The following TENM1 variants were observed in gnomAD, a reference collection of about 807,000 sequenced individuals.
The protein encoded by TENM1 is teneurin transmembrane protein 1, also known as teneurin-1.
A neutral mutation model predicts 174.8 loss-of-function variants in TENM1; 35 were observed. That is an observed-to-expected ratio of 0.20 (90% CI 0.15 to 0.27). TENM1 has a LOEUF of 0.27. Ranked by LOEUF, TENM1 falls within the 10% of genes least tolerant of loss-of-function variation. The pLI, the probability that TENM1 is intolerant of heterozygous loss-of-function variation, is 1.00. For missense variants in TENM1, 1,633 were observed against 2,130.1 expected (o/e 0.77, Z 4.59); for synonymous variants, 781 against 798.7 (o/e 0.98, Z 0.37).
At chrX:125,123,015 T>A in the TENM1 span, among the ~76,000 whole-genome samples, 1 of 111,597 alleles carries the variant, frequency 9.0e-6, no homozygotes, top group Admixed American at 9.6e-5. Context: ...AATCATACAA[T>A]TTCTTTCTGT....
chrX:125,024,893 C>G, the TENM1 span, among the ~76,000 whole-genome samples: 2 of 103,614 alleles, frequency 1.9e-5, no homozygotes, highest in Admixed American at 1.1e-4. Context: ...GTGATTAGCT[C>G]TCACTAAATC....
At chrX:124,710,392 A>G (rs1466456381) in intron 4 of TENM1, among the ~76,000 whole-genome samples, 1 of 112,222 alleles carries the variant, frequency 8.9e-6, no homozygotes, top group Non-Finnish European at 1.9e-5. Context: ...TTGCACATTT[A>G]TGAAGGAGAA....
chrX:124,674,353 C>T (rs1174945339), intron 5 of TENM1, among the ~76,000 whole-genome samples: 1 of 94,341 alleles, frequency 1.1e-5, no homozygotes, highest in Non-Finnish European at 2.1e-5. Flanking sequence ...TAAGCCATTT[C>T]GTATTTCTCT....
At chrX:124,622,770 T>C (rs1273622255) in intron 11 of TENM1, among the ~76,000 whole-genome samples, 3 of 112,040 alleles carry the variant, frequency 2.7e-5, no homozygotes, top group Admixed American at 9.5e-5. Context: ...GCAAAGCACT[T>C]ACTTTAAAAA....
At chrX:124,408,020 T>C (rs949248577) in intron 25 of TENM1, among the ~76,000 whole-genome samples, 10 of 111,986 alleles carry the variant, frequency 8.9e-5, no homozygotes, top group Non-Finnish European at 1.7e-4. Flanking sequence ...TGTGGGGCTC[T>C]ATAGCTACAA....
intron 11 of TENM1, among the ~76,000 whole-genome samples, chrX:124,578,001 C>T (rs949716768): frequency 1.8e-5 from 2 of 108,209 alleles, no homozygotes; most frequent in African/African-American, 6.8e-5. Flanking sequence ...TCATGGCTCA[C>T]GGTGGCGTTA....
At chrX:124,453,583 G>T in intron 22 of TENM1, 92 bp from the exon 26 acceptor site, 1 of 855,944 alleles carries the variant, frequency 1.2e-6, no homozygotes, top group Non-Finnish European at 1.6e-6. Flanking sequence ...CAATGGAAAG[G>T]CATTTTAAAG....
the TENM1 span, among the ~76,000 whole-genome samples, chrX:124,973,888 C>T: frequency 8.9e-6 from 1 of 111,751 alleles, no homozygotes; most frequent in East Asian, 2.8e-4. Context: ...TGTTCTCACT[C>T]ATAAGTGGGA....
chrX:124,654,117 T>G (rs1016042065), intron 6 of TENM1, among the ~76,000 whole-genome samples: 1 of 111,875 alleles, frequency 8.9e-6, no homozygotes, highest in African/African-American at 3.3e-5. Flanking sequence ...TCAAGGAGCA[T>G]TGAAAATAGG....
the TENM1 span, among the ~76,000 whole-genome samples, chrX:125,065,635 T>C: frequency 2.7e-5 from 3 of 112,494 alleles, no homozygotes; most frequent in Admixed American, 2.8e-4. Flanking sequence ...ATAGAACTTA[T>C]GTTGAGAAAT....
At chrX:124,376,923 T>C (rs1200284775) in exon 32 of TENM1, 1 of 110,588 alleles carries the variant, frequency 9.0e-6, no homozygotes, top group African/African-American at 3.3e-5. Flanking sequence ...TCTGTAGCCT[T>C]ATGTCTTTCC....
the TENM1 span, among the ~76,000 whole-genome samples, chrX:125,065,781 A>C: frequency 8.9e-6 from 1 of 112,701 alleles, no homozygotes; most frequent in Non-Finnish European, 1.9e-5. Flanking sequence ...TTGGTATAAA[A>C]ATAGCTGCAT....
chrX:124,636,480 T>C (rs1367081759), intron 11 of TENM1, among the ~76,000 whole-genome samples: 4 of 112,318 alleles, frequency 3.6e-5, no homozygotes, highest in Non-Finnish European at 7.5e-5. Flanking sequence ...GTGATCTTTT[T>C]TCTTTGTGAT....
At chrX:124,425,678 A>G (rs2060704739) in intron 23 of TENM1, among the ~76,000 whole-genome samples, 2 of 112,428 alleles carry the variant, frequency 1.8e-5, no homozygotes, top group Admixed American at 9.4e-5. Flanking sequence ...ATTCTGTTAT[A>G]GCAACAAAAA....
chrX:124,382,548 G>A (rs112247774), intron 31 of TENM1, 122 bp downstream of exon 34: 86 of 648,252 alleles, frequency 1.3e-4, no homozygotes, highest in African/African-American at 1.2e-3. Flanking sequence ...AATTGTGCAC[G>A]TTTTAGTGAA....
chrX:125,140,835 G>A, the TENM1 span, among the ~76,000 whole-genome samples: 1 of 111,755 alleles, frequency 8.9e-6, no homozygotes, highest in Non-Finnish European at 1.9e-5. Flanking sequence ...GCCACACTCT[G>A]GGATGTCCAA....
rs145735963 is a variant in TENM1 at position 124,821,166 on chromosome X, C to T, written c.535+73130G>A. On this transcript the variant is annotated intron_variant, in intron 3 of 31. Transcript: ENST00000422452. ...TATCTTGTACTTATCATTTAGTTGA[C>T]TATCTCACTAACTCCAAGACTGAAT... Among the ~76,000 whole-genome samples, 497 of 112,435 alleles carry T rather than the reference C, an allele frequency of 4.4e-3. 6 individuals carry two copies. Among genetic ancestry groups the T allele is most frequent in the African/African-American group, 0.015 (467 of 30,982 alleles).
chrX:124,768,835 T>C (rs1362756575), intron 3 of TENM1, among the ~76,000 whole-genome samples: 1 of 112,553 alleles, frequency 8.9e-6, no homozygotes, highest in Non-Finnish European at 1.9e-5. Context: ...ACATATTCAG[T>C]ATTGAACACT....
chrX:124,549,847 T>C (rs960077738), intron 14 of TENM1, among the ~76,000 whole-genome samples: 1 of 111,114 alleles, frequency 9.0e-6, no homozygotes, highest in South Asian at 3.8e-4. Flanking sequence ...GTCTAGACTG[T>C]TGCAAAGAAG....
Sources: allele counts gnomAD v4.1 joint callset (sites outside exome capture counted in the v4.1 genomes callset), GRCh38; gene constraint gnomAD v4.1.1; transcripts MANE v1.5; gene names NCBI Gene and HGNC (gene_info 2026-07-23, HGNC 2026-07-21).